The following SHANK2 variants were observed in gnomAD, a reference collection of about 807,000 sequenced individuals.
SHANK2 encodes SH3 and multiple ankyrin repeat domains 2.
In SHANK2, 43 loss-of-function variants were observed where a neutral mutation model predicts 133.7. The ratio of observed to expected loss-of-function variants is 0.32; its 90% CI spans 0.25 to 0.41. SHANK2 has a LOEUF of 0.41. SHANK2 is among the 10% of genes least tolerant of loss of function. The probability of loss-of-function intolerance (pLI) is 1.00; values close to 1 mark genes in which losing one functional copy is unlikely to be tolerated. For missense variants in SHANK2, 1,994 were observed against 2,235.8 expected (o/e 0.89, Z 2.18); for synonymous variants, 1,017 against 952.8 (o/e 1.07, Z -1.24).
chr11:71,113,534 C>T (rs899834958), intron 4 of SHANK2, among the ~76,000 whole-genome samples, 170 bp from the exon 5 acceptor site: 1 of 152,216 alleles, frequency 6.6e-6, no homozygotes, highest in African/African-American at 2.4e-5. Context: ...CTACAACATC[C>T]TCAGCATCAC....
chr11:70,803,136 T>C (rs1948085586), intron 13 of SHANK2, among the ~76,000 whole-genome samples: 2 of 151,934 alleles, frequency 1.3e-5, no homozygotes, highest in Non-Finnish European at 2.9e-5. Flanking sequence ...AAAAGCAGGA[T>C]GGAAGCATGG....
chr11:71,175,049 C>G lies in SHANK2; in HGVS notation c.-12-27711G>C, dbSNP rs1555112900. 6.8e-6 allele frequency among the ~76,000 whole-genome samples: 1 copy of G among 147,490 alleles called. No homozygotes were observed. On this transcript the variant is annotated intron_variant, in intron 2 of 25. Transcript: ENST00000601538. The surrounding 1 kb of genome is among the most constrained non-coding windows in gnomAD (Gnocchi z 4.2). ...TGTCATGCTCTCAGATAAGCCTTCC[C>G]CGGTTACCTTTCTGCAGCTACAAAA...
intron 14 of SHANK2, among the ~76,000 whole-genome samples, chr11:70,796,386 T>A (rs1273947476): frequency 6.6e-6 from 1 of 152,176 alleles, no homozygotes; most frequent in Admixed American, 6.5e-5. Flanking sequence ...AGGTGTGGCA[T>A]AGCCAACAAA....
intron 21 of SHANK2, among the ~76,000 whole-genome samples, chr11:70,494,282 C>T (rs1425261444): frequency 6.6e-6 from 1 of 152,192 alleles, no homozygotes; most frequent in African/African-American, 2.4e-5. Context: ...AGTCCTGCCC[C>T]CACCGGGCCA....
At chr11:70,944,003 C>T (rs115581567) in intron 10 of SHANK2, 137 of 455,980 alleles carry the variant, frequency 3.0e-4, no homozygotes, top group African/African-American at 2.5e-3. Context: ...CCAAGACAGC[C>T]ACAGGCCCAC....
intron 11 of SHANK2, among the ~76,000 whole-genome samples, chr11:70,869,346 G>A (rs1182895197): frequency 6.6e-6 from 1 of 152,232 alleles, no homozygotes; most frequent in African/African-American, 2.4e-5. Context: ...AGGTTTCAGA[G>A]GGAGGACAAT....
intron 14 of SHANK2, among the ~76,000 whole-genome samples, chr11:70,749,340 A>G (rs566932704): frequency 3.9e-5 from 6 of 152,364 alleles, no homozygotes; most frequent in African/African-American, 1.4e-4. Flanking sequence ...GGAGTGGAGC[A>G]AAAGCTTAAA....
At chr11:71,098,439 T>C (rs1034577128) in intron 6 of SHANK2, among the ~76,000 whole-genome samples, 1 of 152,228 alleles carries the variant, frequency 6.6e-6, no homozygotes, top group African/African-American at 2.4e-5. Flanking sequence ...AACCCAGCTC[T>C]TTCCCTGAAG....
chr11:71,217,728 T>C (rs1437616290), intron 2 of SHANK2, among the ~76,000 whole-genome samples: 1 of 152,072 alleles, frequency 6.6e-6, no homozygotes, highest in Non-Finnish European at 1.5e-5. Context: ...AACAAAAAAA[T>C]TAAAAAGTAA....
At chr11:71,126,738 T>G (rs1234926876) in intron 3 of SHANK2, among the ~76,000 whole-genome samples, 7 of 150,936 alleles carry the variant, frequency 4.6e-5, no homozygotes, top group Non-Finnish European at 1.0e-4. Context: ...TTTTTTTTTT[T>G]TTTTTTGAGA....
At chr11:70,587,515 T>C (rs1786384849) in intron 17 of SHANK2, among the ~76,000 whole-genome samples, 2 of 151,670 alleles carry the variant, frequency 1.3e-5, no homozygotes, top group African/African-American at 4.8e-5. Context: ...ATTCCCCACA[T>C]GTTCAGAAAA....
intron 17 of SHANK2, among the ~76,000 whole-genome samples, chr11:70,648,495 G>A (rs1555009158): frequency 6.6e-6 from 1 of 152,140 alleles, no homozygotes; most frequent in African/African-American, 2.4e-5. Flanking sequence ...ATTTGTGTCT[G>A]ACATGATTTA....
intron 2 of SHANK2, among the ~76,000 whole-genome samples, chr11:71,178,604 C>G (rs1241410247): frequency 1.3e-5 from 2 of 152,086 alleles, no homozygotes; most frequent in African/African-American, 4.8e-5. Context: ...CATTTTACAA[C>G]AATTTAAAAA....
rs1219183655 is a variant in SHANK2 at position 70,470,546 on chromosome 11, C to T, written c.*2323G>A. On this transcript the variant is annotated 3_prime_UTR_variant, in exon 26 of 26. Coordinates refer to ENST00000601538, the MANE Select transcript of SHANK2 (RefSeq NM_012309.5). The stretch of plus-strand genomic sequence containing the variant: ...GTGCCATGCCAAAGGAATGGACTCA[C>T]GGAATTTTGCGGTATCATCAAATGG... 3.9e-5 allele frequency: 6 copies of T among 152,614 alleles called. No homozygotes were observed. Among genetic ancestry groups the T allele is most frequent in the Admixed American group, 1.3e-4 (2 of 15,282 alleles). The allele number at this position is 152,614 out of a possible 1,614,324, so 9.5% of individuals were successfully genotyped here. A position where few individuals can be genotyped will look rare whatever the true frequency, so the allele number is the denominator to read the frequency against.
At chr11:70,552,045 G>A (rs913419218) in intron 17 of SHANK2, among the ~76,000 whole-genome samples, 2 of 152,202 alleles carry the variant, frequency 1.3e-5, no homozygotes, top group African/African-American at 2.4e-5. Context: ...ACTTAAATGC[G>A]ATGAGTAATT....
At chr11:71,068,274 G>C (rs1376550825) in intron 9 of SHANK2, among the ~76,000 whole-genome samples, 1 of 152,216 alleles carries the variant, frequency 6.6e-6, no homozygotes, top group African/African-American at 2.4e-5. Flanking sequence ...GCTGTTTAGA[G>C]CCCAGAAACT....
intron 15 of SHANK2, among the ~76,000 whole-genome samples, chr11:70,684,682 G>A (rs1350983656): frequency 6.6e-6 from 1 of 152,004 alleles, no homozygotes; most frequent in African/African-American, 2.4e-5. Context: ...GGTGGGAGCA[G>A]GTAAACCCTT....
chr11:70,612,158 G>A (rs754295026), intron 17 of SHANK2, among the ~76,000 whole-genome samples: 3 of 152,200 alleles, frequency 2.0e-5, no homozygotes, highest in Non-Finnish European at 4.4e-5. Flanking sequence ...TGGTGGTGGG[G>A]CCCCTGTGGG....
chr11:70,659,960 G>C lies in SHANK2; in HGVS notation c.1937-8C>G. ...CTTCAATGGGTGTGTCAGCTGGGAA[G>C]ACAAGCAGCACCTGGTTACAAGCCT... On this transcript the variant is annotated splice_region_variant and splice_polypyrimidine_tract_variant and intron_variant, in intron 16 of 25. Coordinates refer to ENST00000601538, the MANE Select transcript of SHANK2 (RefSeq NM_012309.5). The C allele has an allele frequency of 1.9e-6, 3 of 1,614,206 alleles. No individual in the cohort carries two copies. Among genetic ancestry groups the C allele is most frequent in the Non-Finnish European group, 2.5e-6 (3 of 1,180,040 alleles).
Sources: gnomAD v4.1 joint callset for allele counts (sites outside exome capture counted in the v4.1 genomes callset) on GRCh38, gnomAD v4.1.1 for gene constraint, Gnocchi (gnomAD v3.1) non-coding constraint, MANE v1.5 for transcripts, NCBI Gene and HGNC (gene_info 2026-07-23, HGNC 2026-07-21) for gene names.